The following DOCK4 variants were observed in gnomAD, a reference collection of about 807,000 sequenced individuals.
The protein encoded by DOCK4 is dedicator of cytokinesis 4, also known as dedicator of cytokinesis protein 4.
Under a neutral mutation model 268.1 loss-of-function variants are expected in DOCK4, and 97 were observed. The ratio of observed to expected loss-of-function variants is 0.36; its 90% CI spans 0.31 to 0.43. DOCK4 has a LOEUF of 0.43. Ranked by LOEUF, DOCK4 falls within the 20% of genes least tolerant of loss-of-function variation. The pLI is 1.00. For synonymous variants in DOCK4, 954 were observed against 887.2 expected (o/e 1.08, Z -1.34); for missense variants, 2,145 against 2,455.7 (o/e 0.87, Z 2.67).
intron 41 of DOCK4, among the ~76,000 whole-genome samples, chr7:111,758,300 A>ACTC (rs1797170706): frequency 6.6e-6 from 1 of 152,202 alleles, no homozygotes; most frequent in Admixed American, 6.5e-5. Context: ...GAATAAGAGG[A>ACTC]CTGACTTCAG....
chr7:111,824,464 C>G (rs1015554773), intron 26 of DOCK4, among the ~76,000 whole-genome samples: 1 of 152,064 alleles, frequency 6.6e-6, no homozygotes, highest in African/African-American at 2.4e-5. Flanking sequence ...TAGTTAGGAA[C>G]AGTACAAATA....
At chr7:111,779,207 T>C (rs1308078472) in intron 35 of DOCK4, among the ~76,000 whole-genome samples, 2 of 152,260 alleles carry the variant, frequency 1.3e-5, no homozygotes, top group East Asian at 3.9e-4. Context: ...GCATTTCCTA[T>C]GCGTTGGACT....
intron 25 of DOCK4, among the ~76,000 whole-genome samples, chr7:111,844,352 G>A (rs1187690614): frequency 1.3e-5 from 2 of 152,166 alleles, no homozygotes; most frequent in African/African-American, 2.4e-5. Flanking sequence ...GAAAAGTTAC[G>A]ATTCTGACTA....
chr7:111,998,815 T>C (rs928711601), intron 3 of DOCK4, among the ~76,000 whole-genome samples: 1 of 152,176 alleles, frequency 6.6e-6, no homozygotes, highest in African/African-American at 2.4e-5. Context: ...ATAAAAACCA[T>C]GTTATACTGA....
intron 8 of DOCK4, among the ~76,000 whole-genome samples, chr7:111,960,234 A>G (rs1256120424): frequency 6.6e-6 from 1 of 151,574 alleles, no homozygotes; most frequent in Non-Finnish European, 1.5e-5. Context: ...GCGTGGTGGC[A>G]TATGCCGGTA....
At chr7:111,948,418 G>A (rs1488841571) in intron 8 of DOCK4, among the ~76,000 whole-genome samples, 1 of 152,050 alleles carries the variant, frequency 6.6e-6, no homozygotes. Flanking sequence ...CTGAGATAAA[G>A]GAAAAGCCAT....
intron 1 of DOCK4, among the ~76,000 whole-genome samples, chr7:112,139,233 G>C (rs2116245925): frequency 6.6e-6 from 1 of 152,284 alleles, no homozygotes; most frequent in South Asian, 2.1e-4. Flanking sequence ...CAAATGGTAT[G>C]GAGGCTGGCT....
intron 12 of DOCK4, among the ~76,000 whole-genome samples, chr7:111,933,860 G>A (rs539191468): frequency 1.5e-4 from 23 of 152,264 alleles, no homozygotes; most frequent in African/African-American, 5.1e-4. Flanking sequence ...AGTCTGAAGC[G>A]TTGCCACATG....
intron 36 of DOCK4, among the ~76,000 whole-genome samples, chr7:111,770,235 A>G (rs968280651): frequency 1.2e-4 from 17 of 137,010 alleles, no homozygotes; most frequent in African/African-American, 6.1e-4. Context: ...AAAAAAAAAA[A>G]AAAAAGAAAA....
intron 1 of DOCK4, among the ~76,000 whole-genome samples, chr7:112,088,143 AAAGCATAG>A (rs1397866621): frequency 6.6e-6 from 1 of 152,070 alleles, no homozygotes; most frequent in African/African-American, 2.4e-5. Context: ...TTTTCAGGCA[AAAGCATAG>A]AAGCATAAAA....
intron 1 of DOCK4, among the ~76,000 whole-genome samples, chr7:112,174,862 G>T (rs1396478266): frequency 6.6e-6 from 1 of 150,392 alleles, no homozygotes; most frequent in Non-Finnish European, 1.5e-5. Flanking sequence ...GGGTTTTTTG[G>T]TTTGTTTTTT....
chr7:111,819,065 C>T (rs1170244238), intron 27 of DOCK4, among the ~76,000 whole-genome samples: 2 of 152,124 alleles, frequency 1.3e-5, no homozygotes, highest in Non-Finnish European at 2.9e-5. Flanking sequence ...TTTAACAAAT[C>T]GCTTTTTGGC....
chr7:111,924,434 G>T (rs972323310), intron 12 of DOCK4, among the ~76,000 whole-genome samples: 1 of 152,132 alleles, frequency 6.6e-6, no homozygotes, highest in Admixed American at 6.5e-5. Flanking sequence ...GAAGCTGATG[G>T]GAGAGGGAAC....
intron 1 of DOCK4, among the ~76,000 whole-genome samples, chr7:112,008,920 G>A (rs1801073268): frequency 6.6e-6 from 1 of 152,220 alleles, no homozygotes; most frequent in Non-Finnish European, 1.5e-5. Context: ...TTGAACCCGG[G>A]AGGCGGAGGT....
intron 1 of DOCK4, among the ~76,000 whole-genome samples, chr7:112,018,143 CAAAAAAAAAAAAAAAAAA>C (rs140883588): frequency 1.3e-3 from 26 of 20,640 alleles, no homozygotes; most frequent in African/African-American, 1.5e-3. Context: ...GACTCCAGCT[CAAAAAAAAAAAAAAAAAA>C]AAAAAAAAAA....
intron 1 of DOCK4, among the ~76,000 whole-genome samples, chr7:112,011,385 C>T (rs2135360901): frequency 6.6e-6 from 1 of 152,310 alleles, no homozygotes; most frequent in East Asian, 1.9e-4. Context: ...GAATTTACTT[C>T]TGGCCCAATT....
chr7:112,149,113 T>C (rs1373487015), intron 1 of DOCK4, among the ~76,000 whole-genome samples: 2 of 152,142 alleles, frequency 1.3e-5, no homozygotes, highest in Non-Finnish European at 2.9e-5. Flanking sequence ...AGGTACATCA[T>C]AGAAACTCTC....
chr7:112,007,653 G>A (rs1800965120), intron 1 of DOCK4, among the ~76,000 whole-genome samples: 1 of 152,084 alleles, frequency 6.6e-6, no homozygotes, highest in Non-Finnish European at 1.5e-5. Context: ...TCTAGGTAAA[G>A]AGCGAAGAAT....
Position 111,901,784 on chromosome 7 carries a change from A to G in DOCK4, c.1210T>C (p.Leu404=). Residue 404 remains leucine (L), a synonymous_variant, in exon 14 of 53, where the codon TTA becomes CTA. Transcript: ENST00000428084. The part of the protein sequence containing the change: ...IIMPGEMRND[L]YITIERGEFE... Reference sequence around the variant, plus strand: ...TCTCCCCTTTCAATAGTGATATATAAATCATTCCTCATTTCACCTATAAGG... The same window carrying G: ...TCTCCCCTTTCAATAGTGATATATAGATCATTCCTCATTTCACCTATAAGG... 1 of 1,582,688 alleles carries G rather than the reference A, an allele frequency of 6.3e-7. No individual in the cohort carries two copies.
Sources: gnomAD v4.1 joint callset for allele counts (sites outside exome capture counted in the v4.1 genomes callset) on GRCh38, gnomAD v4.1.1 for gene constraint, MANE v1.5 for transcripts, NCBI Gene and HGNC (gene_info 2026-07-23, HGNC 2026-07-21) for gene names.